FREM1: variants seen among roughly 807,000 people sequenced by gnomAD.
The protein encoded by FREM1 is FRAS1 related extracellular matrix 1, also known as FRAS1-related extracellular matrix protein 1.
Under a neutral mutation model 210.1 loss-of-function variants are expected in FREM1, and 220 were observed. That is an observed-to-expected ratio of 1.05 (90% CI 0.94 to 1.17). FREM1 has a LOEUF of 1.17. Among genes scored for constraint, FREM1 ranks in the 50% most tolerant of loss-of-function variants. FREM1 has a pLI of 0.00. For synonymous variants in FREM1, 1,189 were observed against 980.2 expected (o/e 1.21, Z -3.98); for missense variants, 3,454 against 2,675.5 (o/e 1.29, Z -6.42).
chr9:14,905,866 GGGCAATAGAGCAA>G, intron 1 of FREM1, among the ~76,000 whole-genome samples: 1 of 151,882 alleles, frequency 6.6e-6, no homozygotes, highest in East Asian at 1.9e-4. Context: ...ACTGCAGCAT[GGGCAATAGAGCAA>G]GACTCTGTCT....
chr9:14,860,652 T>C (rs1346526120), intron 3 of FREM1, among the ~76,000 whole-genome samples: 1 of 141,536 alleles, frequency 7.1e-6, no homozygotes, highest in Non-Finnish European at 1.5e-5. Context: ...TATACATATA[T>C]ACACATATAT....
chr9:14,847,008 G>T (rs1286653211), intron 7 of FREM1, among the ~76,000 whole-genome samples: 1 of 152,210 alleles, frequency 6.6e-6, no homozygotes, highest in Non-Finnish European at 1.5e-5. Flanking sequence ...TGCACCAGGG[G>T]ACCCAGGAAG....
At chr9:14,871,072 G>A (rs1309127154) in intron 1 of FREM1, among the ~76,000 whole-genome samples, 1 of 152,032 alleles carries the variant, frequency 6.6e-6, no homozygotes, top group Non-Finnish European at 1.5e-5. Context: ...CATTTGGGTT[G>A]GTTCCAAGTC....
In FREM1 at chr9:14,869,111, T is replaced by A; in HGVS notation, c.-134A>T. On this transcript the variant is annotated 5_prime_UTR_variant, in exon 2 of 37. Transcript: ENST00000380880. Reference sequence around the variant, plus strand: ...GGGGTCCTGACAATGTGCCCCGAGATCTTAACATGCCCCTTTCATTTCAAA... The same window carrying A: ...GGGGTCCTGACAATGTGCCCCGAGAACTTAACATGCCCCTTTCATTTCAAA... The A allele has an allele frequency of 1.7e-6, 1 of 593,086 alleles. No homozygotes were observed. The highest frequency in any genetic ancestry group is 2.5e-5 in the South Asian group (1 of 40,268). The allele number at this position is 593,086 out of a possible 1,614,324, so 36.7% of individuals were successfully genotyped here.
At chr9:14,751,876 A>T (rs1017820176) in intron 29 of FREM1, 7 of 151,862 alleles carry the variant, frequency 4.6e-5, no homozygotes, top group African/African-American at 1.7e-4. Flanking sequence ...GGAAAAAATT[A>T]GGTGTACTTG....
chr9:14,859,618 G>C, intron 3 of FREM1, 134 bp from the exon 4 acceptor site: 1 of 708,762 alleles, frequency 1.4e-6, no homozygotes, highest in Non-Finnish European at 2.3e-6. Flanking sequence ...TTCATTTCTT[G>C]CTCTACTCCC....
chr9:14,784,752 AG>A (rs1850152647), intron 23 of FREM1, 118 bp from the exon 24 acceptor site: 1 of 605,848 alleles, frequency 1.7e-6, no homozygotes, highest in Admixed American at 3.7e-5. Flanking sequence ...CGACATAGAA[AG>A]GTTTATATAA....
chr9:14,801,651 C>T lies in FREM1; in HGVS notation c.3694+1G>A, dbSNP rs1187630820. The T allele has an allele frequency of 6.3e-7, 1 of 1,589,492 alleles. No individual in the cohort carries two copies. The highest frequency in any genetic ancestry group is 8.6e-7 in the Non-Finnish European group (1 of 1,157,690). On this transcript the variant is annotated splice_donor_variant, in intron 20 of 36. Transcript: ENST00000380880. LOFTEE classifies it high-confidence loss of function. Reference sequence around the variant, plus strand: ...ATGCATGGAAGTGGAACATGCTATACCAGTCTTGAGGAGTTCCATGGAAAA... The same window carrying T: ...ATGCATGGAAGTGGAACATGCTATATCAGTCTTGAGGAGTTCCATGGAAAA...
At chr9:14,861,606 A>G (rs935114869) in intron 3 of FREM1, among the ~76,000 whole-genome samples, 3 of 149,196 alleles carry the variant, frequency 2.0e-5, no homozygotes, top group Non-Finnish European at 4.4e-5. Flanking sequence ...TCCCAGGTTC[A>G]AGAGATTCTC....
intron 1 of FREM1, among the ~76,000 whole-genome samples, chr9:14,909,192 TA>T (rs146037746): frequency 1.3e-4 from 20 of 151,542 alleles, no homozygotes; most frequent in African/African-American, 2.9e-4. Flanking sequence ...TGCAATAGTT[TA>T]AAAAAAAATC....
intron 1 of FREM1, among the ~76,000 whole-genome samples, chr9:14,892,118 G>C (rs1353038869): frequency 1.3e-5 from 2 of 151,912 alleles, no homozygotes; most frequent in Admixed American, 1.3e-4. Context: ...ACTCTCTCTT[G>C]GGGTCTGGAT....
At chr9:14,779,958 A>G (rs564845892) in intron 24 of FREM1, among the ~76,000 whole-genome samples, 25 of 152,318 alleles carry the variant, frequency 1.6e-4, no homozygotes, top group Non-Finnish European at 2.6e-4. Context: ...AGAGGGACAG[A>G]ATGAATGGTT....
At chr9:14,825,659 C>G (rs1265961039) in intron 10 of FREM1, among the ~76,000 whole-genome samples, 1 of 150,762 alleles carries the variant, frequency 6.6e-6, no homozygotes, top group Non-Finnish European at 1.5e-5. Context: ...TTACATCTCT[C>G]TTCTACCAAC....
intron 1 of FREM1, among the ~76,000 whole-genome samples, chr9:14,899,455 G>C (rs1292596505): frequency 1.3e-5 from 2 of 152,162 alleles, no homozygotes; most frequent in Non-Finnish European, 2.9e-5. Flanking sequence ...TTCAAGTACT[G>C]GTTCAAAAAC....
chr9:14,795,312 TAAAC>T (rs1239357474), intron 21 of FREM1, among the ~76,000 whole-genome samples: 2 of 152,162 alleles, frequency 1.3e-5, no homozygotes, highest in Non-Finnish European at 2.9e-5. Flanking sequence ...TGAGAGAAGT[TAAAC>T]AACATGTTCA....
chr9:14,860,616 C>CAT (rs1489676413), intron 3 of FREM1, among the ~76,000 whole-genome samples: 2 of 110,642 alleles, frequency 1.8e-5, no homozygotes, highest in South Asian at 5.6e-4. Flanking sequence ...TATATACACA[C>CAT]ATATATATAC....
At position 14,746,956 on chromosome 9, in the gene FREM1, C is replaced by A. The variant is rs1402526909; in HGVS notation, c.6105G>T (p.Gly2035=). The A allele has an allele frequency of 6.2e-7, 1 of 1,613,294 alleles. No individual in the cohort carries two copies. Among genetic ancestry groups the A allele is most frequent in the East Asian group, 2.2e-5 (1 of 44,856 alleles). The change falls in exon 34 of 37, where the codon GGG becomes GGT. Residue 2035 remains glycine, a synonymous_variant. Coordinates refer to ENST00000380880, the MANE Select transcript of FREM1 (RefSeq NM_001379081.2). ...GGGGACTCCAGGCTTTCCAGGCGATCCCATTGCACTGATACAGCTTCTGGA... is the reference window on the plus strand; with the variant it reads ...GGGGACTCCAGGCTTTCCAGGCGATACCATTGCACTGATACAGCTTCTGGA... ...EGIQKLYQCN[G]IAWKAWSPQT...
At chr9:14,894,404 T>C (rs976825880) in intron 1 of FREM1, among the ~76,000 whole-genome samples, 1 of 152,250 alleles carries the variant, frequency 6.6e-6, no homozygotes, top group East Asian at 1.9e-4. Flanking sequence ...CTTGTTTTAA[T>C]CCTCTTCAAA....
chr9:14,834,902 C>T (rs924937393), intron 10 of FREM1, among the ~76,000 whole-genome samples: 1 of 70,154 alleles, frequency 1.4e-5, no homozygotes, highest in Non-Finnish European at 3.6e-5. Flanking sequence ...ATGTTTTTAA[C>T]TGTAACTATC....
Sources: allele counts gnomAD v4.1 joint callset (sites outside exome capture counted in the v4.1 genomes callset), GRCh38; gene constraint gnomAD v4.1.1; transcripts MANE v1.5; gene names NCBI Gene and HGNC (gene_info 2026-07-23, HGNC 2026-07-21).